SH3KBP1: variants seen among roughly 807,000 people sequenced by gnomAD.
SH3KBP1 encodes the protein SH3 domain containing kinase binding protein 1, also known as SH3 domain-containing kinase-binding protein 1.
In SH3KBP1, 8 loss-of-function variants were observed where a neutral mutation model predicts 50.1. That is an observed-to-expected ratio of 0.16 (90% CI 0.09 to 0.29). The LOEUF (loss-of-function observed/expected upper bound fraction) is 0.29. Ranked by LOEUF, SH3KBP1 falls within the 10% of genes least tolerant of loss-of-function variation. SH3KBP1 has a pLI of 1.00. For synonymous variants in SH3KBP1, 227 were observed against 218.6 expected, an observed-to-expected ratio of 1.04 and a Z score of -0.34; for missense variants, 377 against 535.2, an observed-to-expected ratio of 0.70 and a Z score of 2.92.
Position 19,594,981 on chromosome X carries a change from G to A in SH3KBP1, c.1025C>T (p.Pro342Leu). 8.3e-7 allele frequency: 1 copy of A among 1,202,792 alleles called. No homozygotes were observed. Among genetic ancestry groups the A allele is most frequent in the South Asian group, 1.8e-5 (1 of 56,764 alleles). ...KEGNRPKKPP[P>L]PSAPVIKQGA... ...TTGTTTGATGACAGGAGCGGATGGA[G>A]GCGGTGGCTTCTTGGGTCTCTGAAA... Residue 342 changes from proline (P) to leucine (L), a missense_variant, in exon 10 of 18, where the codon CCT becomes CTT. Physicochemically the swap from Pro to Leu is moderately conservative, Grantham distance 98. Around this residue, in one of 3 missense-constraint regions of SH3KBP1, gnomAD observed 257 missense variants for 374.2 expected, o/e 0.69. Transcript: ENST00000397821.
At chrX:19,738,374 T>C (rs974514496) in intron 3 of SH3KBP1, among the ~76,000 whole-genome samples, 1 of 111,102 alleles carries the variant, frequency 9.0e-6, no homozygotes, top group African/African-American at 3.3e-5. Context: ...TATCTGAGCA[T>C]GTCACGCTTG....
chrX:19,817,032 C>T (rs762339117), intron 2 of SH3KBP1, among the ~76,000 whole-genome samples: 16 of 111,553 alleles, frequency 1.4e-4, no homozygotes, highest in Non-Finnish European at 2.6e-4. Context: ...AAAGGCTATC[C>T]TTCCTCCATT....
chrX:19,731,347 C>T (rs1488157411), intron 3 of SH3KBP1, among the ~76,000 whole-genome samples: 1 of 112,384 alleles, frequency 8.9e-6, no homozygotes, highest in Non-Finnish European at 1.9e-5. Context: ...CTCGCACTCG[C>T]CATCGCATGT....
At chrX:19,543,656 G>A (rs1366298424) in intron 15 of SH3KBP1, among the ~76,000 whole-genome samples, 1 of 111,583 alleles carries the variant, frequency 9.0e-6, no homozygotes, top group African/African-American at 3.3e-5. Context: ...AGGGGGAGGT[G>A]GGATCAGGGA....
intron 8 of SH3KBP1, among the ~76,000 whole-genome samples, chrX:19,613,797 TCAAGTGGAACTCAGAGAGAGGTG>T (rs1168026918): frequency 2.7e-5 from 3 of 112,212 alleles, no homozygotes; most frequent in African/African-American, 9.7e-5. Flanking sequence ...CCTGACATGT[TCAAGTGGAACTCAGAGAGAGGTG>T]GAACAGAGCA....
chrX:19,776,000 G>A (rs1423749781), intron 2 of SH3KBP1, among the ~76,000 whole-genome samples: 1 of 111,076 alleles, frequency 9.0e-6, no homozygotes, highest in African/African-American at 3.3e-5. Context: ...CTCATCCCAT[G>A]GTGTCCGCAG....
rs776006223 is a variant in SH3KBP1, at chrX:19,623,340, CA to C, written c.897+8523del. Among the ~76,000 whole-genome samples the C allele has an allele frequency of 4.0e-3, 451 of 111,999 alleles. 1 individual carries two copies. Among genetic ancestry groups the C allele is most frequent in the Non-Finnish European group, 5.9e-3 (316 of 53,191 alleles). ...TTTGTATTTATTTGTCTGTTTTTCT[CA>C]TTTTTTTTCCAAGAGTAAGTGTTAT... is the stretch of plus-strand genomic sequence containing the variant. On this transcript the variant is annotated intron_variant, in intron 8 of 17. Transcript: ENST00000397821.
intron 4 of SH3KBP1, among the ~76,000 whole-genome samples, chrX:19,702,899 T>A (rs939607797): frequency 8.9e-6 from 1 of 112,573 alleles, no homozygotes; most frequent in Non-Finnish European, 1.9e-5. Context: ...AATCCAGGAA[T>A]TCACAGCCTG....
chrX:19,843,863 C>A (rs1171018600), intron 1 of SH3KBP1, among the ~76,000 whole-genome samples: 1 of 111,740 alleles, frequency 8.9e-6, no homozygotes, highest in Non-Finnish European at 1.9e-5. Context: ...TTGCCTGCCT[C>A]AGACACCATT....
chrX:19,581,232 T>C (rs771256403), intron 12 of SH3KBP1, among the ~76,000 whole-genome samples: 1 of 112,331 alleles, frequency 8.9e-6, no homozygotes, highest in African/African-American at 3.2e-5. Flanking sequence ...TGTGAGCCAC[T>C]GCACCAAGCC....
chrX:19,812,213 G>A (rs1272178773), intron 2 of SH3KBP1, among the ~76,000 whole-genome samples: 1 of 111,641 alleles, frequency 9.0e-6, no homozygotes, highest in Non-Finnish European at 1.9e-5. Context: ...CCTTCATGAC[G>A]AGCAAAATAG....
At chrX:19,552,377 G>A (rs1318957608) in intron 13 of SH3KBP1, among the ~76,000 whole-genome samples, 1 of 110,763 alleles carries the variant, frequency 9.0e-6, no homozygotes, top group African/African-American at 3.3e-5. Flanking sequence ...GCCGGGCGGG[G>A]TGCTGGTTGG....
Position 19,738,694 on chromosome X carries a change from CAAAAAAA to C in SH3KBP1, c.286+7617_286+7623del, listed in dbSNP as rs1193680181. Among the ~76,000 whole-genome samples the C allele has an allele frequency of 1.8e-3, 67 of 37,176 alleles. 1 individual carries two copies. Among genetic ancestry groups the C allele is most frequent in the South Asian group, 3.8e-3 (2 of 532 alleles). The allele number at this position is 37,176 out of a possible 115,157, so 32.3% of individuals were successfully genotyped here. On this transcript the variant is annotated intron_variant, in intron 3 of 17. Transcript: ENST00000397821. ...TACTTAAGGATTCATGTCAGCAATG[CAAAAAAA>C]AAAAAAAAAAAAAAAGAAGTCAGAC...
chrX:19,884,762 T>C (rs901178972), intron 1 of SH3KBP1, among the ~76,000 whole-genome samples: 7 of 111,866 alleles, frequency 6.3e-5, no homozygotes, highest in African/African-American at 2.3e-4. Context: ...CACCATAATA[T>C]CTGTTTAATT....
intron 2 of SH3KBP1, among the ~76,000 whole-genome samples, chrX:19,787,936 T>C (rs996777807): frequency 9.0e-6 from 1 of 111,317 alleles, no homozygotes; most frequent in Non-Finnish European, 1.9e-5. Flanking sequence ...CAAATAGGGT[T>C]CCAATATAAT....
chrX:19,761,636 A>G (rs1429436719), intron 2 of SH3KBP1, among the ~76,000 whole-genome samples: 1 of 111,584 alleles, frequency 9.0e-6, no homozygotes, highest in Non-Finnish European at 1.9e-5. Context: ...GCAGCAATGA[A>G]TATTATTCAG....
Position 19,717,025 on chromosome X carries a change from G to C in SH3KBP1, c.287-10041C>G, listed in dbSNP as rs757365240. Among the ~76,000 whole-genome samples the C allele has an allele frequency of 4.5e-5, 5 of 110,808 alleles. No individual in the cohort carries two copies. The East Asian group carries it at 1.4e-3, about 31-fold the overall frequency. On this transcript the variant is annotated intron_variant, in intron 3 of 17. Transcript: ENST00000397821. ...GACAGGGATCCAGGGAGAAGGGCTC[G>C]GTGTCAGGGATATGCAGAATGGCAA... is the stretch of plus-strand genomic sequence containing the variant.
chrX:19,612,468 G>A (rs1379026037), intron 8 of SH3KBP1, among the ~76,000 whole-genome samples: 2 of 111,461 alleles, frequency 1.8e-5, no homozygotes, highest in African/African-American at 6.5e-5. Context: ...GTTTCATCAT[G>A]TTGGCCAGGC....
intron 3 of SH3KBP1, among the ~76,000 whole-genome samples, chrX:19,735,374 A>G (rs981479159): frequency 3.7e-5 from 4 of 108,763 alleles, no homozygotes; most frequent in Non-Finnish European, 7.6e-5. Context: ...TTTCTTTTCT[A>G]GTTTCTTAAA....
Sources: allele counts gnomAD v4.1 joint callset (sites outside exome capture counted in the v4.1 genomes callset), GRCh38; gene constraint gnomAD v4.1.1; regional missense constraint gnomAD v4.1.1; transcripts MANE v1.5; gene names NCBI Gene and HGNC (gene_info 2026-07-23, HGNC 2026-07-21).